Variants in FECH observed in about 807,000 individuals in gnomAD.
FECH encodes ferrochelatase, mitochondrial.
Under a neutral mutation model 56.9 loss-of-function variants are expected in FECH, and 40 were observed. The ratio of observed to expected loss-of-function variants is 0.70; its 90% CI spans 0.55 to 0.92. The LOEUF (loss-of-function observed/expected upper bound fraction) is 0.92, where lower values mean the gene tolerates loss of function less well. FECH is among the 40% of genes least tolerant of loss of function. The pLI is 0.00. For synonymous variants in FECH, 175 were observed against 198.6 expected, an observed-to-expected ratio of 0.88 and a Z score of 1.00; for missense variants, 431 against 529.1, an observed-to-expected ratio of 0.81 and a Z score of 1.82.
At chr18:57,580,840 T>C (rs78063368) in intron 1 of FECH, among the ~76,000 whole-genome samples, 1,925 of 152,228 alleles carry the variant, frequency 0.013, 31 homozygotes, top group African/African-American at 0.036. Flanking sequence ...CGCCCCAGGA[T>C]TCCCTGTCCC....
intron 9 of FECH, among the ~76,000 whole-genome samples, chr18:57,553,291 G>A (rs2050823410): frequency 6.6e-6 from 1 of 152,088 alleles, no homozygotes. Flanking sequence ...AAGAAACTTA[G>A]GTGCTCCCTA....
intron 3 of FECH, among the ~76,000 whole-genome samples, chr18:57,572,128 T>C (rs1286096406): frequency 1.3e-5 from 2 of 152,048 alleles, no homozygotes; most frequent in African/African-American, 4.8e-5. Flanking sequence ...TGAAACAAGA[T>C]ACAGTGTTAA....
Position 57,579,876 on chromosome 18 carries a change from A to G in FECH, c.194+197T>C, listed in dbSNP as rs79178800. Among the ~76,000 whole-genome samples, 985 of 152,308 alleles carry G rather than the reference A, an allele frequency of 6.5e-3. 19 individuals carry two copies. The highest frequency in any genetic ancestry group is 0.023 in the African/African-American group (936 of 41,550). The stretch of plus-strand genomic sequence containing the variant: ...ACTCAACTCTGTGTCTTTTAACAAT[A>G]GCCCTGTTGCAGGGAAGGATCCAGT... On this transcript the variant is annotated intron_variant, in intron 2 of 10. Transcript: ENST00000262093.
intron 3 of FECH, chr18:57,573,012 T>G (rs2051136485): frequency 1.8e-6 from 1 of 552,750 alleles, no homozygotes; most frequent in South Asian, 2.1e-5. Context: ...CAACTGCAAT[T>G]TCCAGGGCTC....
At position 57,573,222 on chromosome 18, in the gene FECH, T is replaced by C. The variant is rs201151981; in HGVS notation, c.314+24A>G. The C allele has an allele frequency of 1.6e-5, 26 of 1,608,190 alleles. No homozygotes were observed. In the East Asian group the frequency reaches 5.1e-4, roughly 32 times the overall value. On this transcript the variant is annotated intron_variant, in intron 3 of 10. Coordinates refer to ENST00000262093, the MANE Select transcript of FECH (RefSeq NM_000140.5). Reference sequence around the variant, plus strand: ...TGTCAATGTAGTGCCAAGGTTATAATTGAGGTGTTTATATATATCTCACTT... The same window carrying C: ...TGTCAATGTAGTGCCAAGGTTATAACTGAGGTGTTTATATATATCTCACTT...
At chr18:57,572,637 G>T (rs1035490499) in intron 3 of FECH, among the ~76,000 whole-genome samples, 9 of 147,874 alleles carry the variant, frequency 6.1e-5, no homozygotes, top group Non-Finnish European at 1.0e-4. Context: ...GCGTGTGTGT[G>T]TGTATGTATG....
intron 1 of FECH, among the ~76,000 whole-genome samples, chr18:57,581,138 C>G (rs2051271768): frequency 6.6e-6 from 1 of 152,234 alleles, no homozygotes; most frequent in African/African-American, 2.4e-5. Context: ...TGCAGGAACT[C>G]AGAGAGTTCA....
At chr18:57,582,427 C>T (rs2051295060) in intron 1 of FECH, among the ~76,000 whole-genome samples, 1 of 152,138 alleles carries the variant, frequency 6.6e-6, no homozygotes, top group South Asian at 2.1e-4. Flanking sequence ...ATAAGGGGTA[C>T]TCAACCTGTA....
rs1568143032 is a variant in FECH at position 57,554,278 on chromosome 18, A to G, written c.1059T>C (p.Ser353=). Residue 353 remains serine, a synonymous_variant, in exon 9 of 11, where the codon TCT becomes TCC. Coordinates refer to ENST00000262093, the MANE Select transcript of FECH (RefSeq NM_000140.5). ...ETLYELDIEY[S]QVLAKECGVE... is the part of the protein sequence containing the mutation. ...CATTTACCTCCTTGGCTAAAACTTG[A>G]GAGTACTCGATGTCCAGCTCATACA... 1 of 1,614,244 alleles carries G rather than the reference A, an allele frequency of 6.2e-7. No homozygotes were observed. The highest frequency in any genetic ancestry group is 8.5e-7 in the Non-Finnish European group (1 of 1,180,036).
chr18:57,567,284 A>G (rs948673943), intron 4 of FECH, among the ~76,000 whole-genome samples: 6 of 152,230 alleles, frequency 3.9e-5, no homozygotes, highest in Middle Eastern at 3.2e-3. Flanking sequence ...GAGGTGCCAC[A>G]TGGGATTGAA....
chr18:57,586,465 G>A, intron 1 of FECH, 89 bp downstream of exon 1: 3 of 1,382,542 alleles, frequency 2.2e-6, no homozygotes, highest in Non-Finnish European at 2.9e-6. Flanking sequence ...GAATCCCCCG[G>A]GCGCGAGGGC....
chr18:57,571,420 C>T lies in FECH; in HGVS notation c.435G>A (p.Lys145=). ...TGTTGGGGGACAATTCATCCAGCAG[C>T]TTCACCATGCCCTCTCCCTGCTTGG... ...WTSKQGEGMV[K]LLDELSPNTA... The change falls in exon 4 of 11, where the codon AAG becomes AAA. Residue 145 remains lysine, a synonymous_variant. Transcript: ENST00000262093. 6.2e-7 allele frequency: 1 copy of T among 1,614,028 alleles called. No homozygotes were observed.
At chr18:57,584,228 A>G (rs2051331585) in intron 1 of FECH, among the ~76,000 whole-genome samples, 1 of 150,540 alleles carries the variant, frequency 6.6e-6, no homozygotes, top group South Asian at 2.1e-4. Flanking sequence ...GCAGTGGTGG[A>G]CACCTGTAGT....
chr18:57,551,589 T>A (rs1194618033), intron 9 of FECH, among the ~76,000 whole-genome samples: 3 of 152,178 alleles, frequency 2.0e-5, no homozygotes, highest in African/African-American at 7.2e-5. Context: ...TCAATTCTTA[T>A]GTCCTTCCCC....
At chr18:57,571,645 T>A in intron 3 of FECH, 105 bp from the exon 4 acceptor site, 1 of 1,533,968 alleles carries the variant, frequency 6.5e-7, no homozygotes, top group Non-Finnish European at 8.9e-7. Context: ...TTAGAGAGCC[T>A]AACAAGATTA....
At chr18:57,568,711 A>G (rs1159140519) in intron 4 of FECH, among the ~76,000 whole-genome samples, 1 of 152,220 alleles carries the variant, frequency 6.6e-6, no homozygotes, top group Non-Finnish European at 1.5e-5. Context: ...AAGAACTACT[A>G]AAAGACAGAG....
intron 5 of FECH, among the ~76,000 whole-genome samples, chr18:57,565,730 T>C (rs1464076537): frequency 6.6e-6 from 1 of 152,240 alleles, no homozygotes; most frequent in African/African-American, 2.4e-5. Context: ...ATAGAAGTGA[T>C]AAACATTAAT....
At chr18:57,568,951 TA>T (rs2122309180) in intron 4 of FECH, among the ~76,000 whole-genome samples, 1 of 152,310 alleles carries the variant, frequency 6.6e-6, no homozygotes, top group East Asian at 1.9e-4. Context: ...CACAAGGATC[TA>T]AGAGTTGAGT....
At position 57,547,335 on chromosome 18, in the gene FECH, C is replaced by A. The variant is rs480942; in HGVS notation, c.*3377G>T. Among the ~76,000 whole-genome samples the A allele has an allele frequency of 0.11, 16,622 of 152,090 alleles. 1,367 individuals carry two copies. Among genetic ancestry groups the A allele is most frequent in the African/African-American group, 0.23 (9,429 of 41,456 alleles). On this transcript the variant is annotated 3_prime_UTR_variant, in exon 11 of 11. Coordinates refer to ENST00000262093, the MANE Select transcript of FECH (RefSeq NM_000140.5). ...GATATGATTTGGCTCTGTTCCCCAC[C>A]CAAATCTCATTTCAAATTGTAATCC...
Sources: gnomAD v4.1 joint callset for allele counts (sites outside exome capture counted in the v4.1 genomes callset) on GRCh38, gnomAD v4.1.1 for gene constraint, MANE v1.5 for transcripts, NCBI Gene and HGNC (gene_info 2026-07-23, HGNC 2026-07-21) for gene names.